Variants in STPG2 observed in about 807,000 individuals in gnomAD.
STPG2 encodes the protein sperm tail PG-rich repeat containing 2.
STPG2 carries 56 observed loss-of-function variants against 54.2 expected under a neutral mutation model. The observed-to-expected ratio is 1.03, with a 90% confidence interval of 0.83 to 1.29. STPG2 has a LOEUF of 1.29. Ranked by LOEUF, STPG2 falls within the 50% of genes most tolerant of loss-of-function variation. The pLI, the probability that STPG2 is intolerant of heterozygous loss-of-function variation, is 0.00. For missense variants in STPG2, 596 were observed against 544.9 expected (o/e 1.09, Z -0.93); for synonymous variants, 200 against 181.8 (o/e 1.10, Z -0.81).
Position 98,008,625 on chromosome 4 carries a change from TATAAC to T in STPG2, c.613-27312_613-27308del, listed in dbSNP as rs139986568. ...AAGGAGAAAGATAAAGAAATAAAATTATAACATGACAGAACTCCTCCAAACCACAA... is the reference window on the plus strand; with the variant it reads ...AAGGAGAAAGATAAAGAAATAAAATTATGACAGAACTCCTCCAAACCACAA... On this transcript the variant is annotated intron_variant, in intron 5 of 10. Transcript: ENST00000295268. 5.2e-3 allele frequency among the ~76,000 whole-genome samples: 778 copies of T among 150,838 alleles called. 10 individuals are homozygous for T. Among genetic ancestry groups the T allele is most frequent in the African/African-American group, 0.018 (745 of 41,104 alleles).
chr4:97,986,787 C>T (rs941804212), intron 5 of STPG2, among the ~76,000 whole-genome samples: 4 of 152,178 alleles, frequency 2.6e-5, no homozygotes, highest in South Asian at 2.1e-4. Flanking sequence ...GCTTAAATAT[C>T]ACTTTTCTTC....
intron 10 of STPG2, among the ~76,000 whole-genome samples, chr4:97,692,283 G>C (rs1255145981): frequency 1.2e-5 from 1 of 85,584 alleles, no homozygotes; most frequent in Non-Finnish European, 2.4e-5. Flanking sequence ...AAATCAAAAA[G>C]ATGATACAGG....
chr4:97,873,911 G>C (rs1253694968), intron 8 of STPG2, among the ~76,000 whole-genome samples: 1 of 151,168 alleles, frequency 6.6e-6, no homozygotes, highest in African/African-American at 2.4e-5. Context: ...TTTTTTGAAA[G>C]TTTCTATTAC....
intron 5 of STPG2, among the ~76,000 whole-genome samples, chr4:98,058,218 C>T (rs556561837): frequency 1.5e-3 from 232 of 152,154 alleles, no homozygotes; most frequent in Non-Finnish European, 2.4e-3. Flanking sequence ...ATAAACTAAC[C>T]TTGAATATAA....
intron 10 of STPG2, among the ~76,000 whole-genome samples, chr4:97,629,074 A>C (rs1401815570): frequency 6.6e-6 from 1 of 151,992 alleles, no homozygotes; most frequent in African/African-American, 2.4e-5. Flanking sequence ...ACTTTAATTC[A>C]GTAGGTTAAC....
At chr4:98,116,705 C>G (rs774113126) in intron 3 of STPG2, among the ~76,000 whole-genome samples, 2 of 151,706 alleles carry the variant, frequency 1.3e-5, no homozygotes, top group African/African-American at 2.4e-5. Flanking sequence ...ACAGTCAAGG[C>G]CTAGAAGACC....
At chr4:97,497,037 G>GA (rs1578343650) in intron 4 of STPG2, among the ~76,000 whole-genome samples, 1 of 147,936 alleles carries the variant, frequency 6.8e-6, no homozygotes, top group Admixed American at 6.8e-5. Flanking sequence ...TTTTACACAG[G>GA]AAAAAAGAAG....
In STPG2 at chr4:97,987,516, T is replaced by C. The variant is rs1303953351; in HGVS notation, c.613-6198A>G. Among the ~76,000 whole-genome samples, 4 of 152,228 alleles carry C rather than the reference T, an allele frequency of 2.6e-5. No individual in the cohort carries two copies. The East Asian group carries it at 7.7e-4, about 29-fold the overall frequency. On this transcript the variant is annotated intron_variant, in intron 5 of 10. Coordinates refer to ENST00000295268, the MANE Select transcript of STPG2 (RefSeq NM_174952.3). ...AGAATTAATTCAGTAAGTTCTGAGG[T>C]TGAGTTTTTTATATTCTTAGTCATA...
intron 2 of STPG2, among the ~76,000 whole-genome samples, chr4:98,131,686 G>C (rs1447499776): frequency 1.3e-5 from 2 of 152,088 alleles, no homozygotes; most frequent in African/African-American, 4.8e-5. Context: ...GGTAGCCTTT[G>C]ATGTAAAAAT....
intron 4 of STPG2, among the ~76,000 whole-genome samples, chr4:97,490,970 G>A (rs767147574): frequency 7.9e-5 from 12 of 151,470 alleles, no homozygotes; most frequent in Non-Finnish European, 1.5e-4. Flanking sequence ...CTCAGCAAAT[G>A]CATTATTTTA....
intron 1 of STPG2, among the ~76,000 whole-genome samples, chr4:98,135,566 G>A (rs1307285199): frequency 6.6e-6 from 1 of 151,760 alleles, no homozygotes; most frequent in Non-Finnish European, 1.5e-5. Context: ...CATCCACATT[G>A]AGATGATCAG....
intron 9 of STPG2, among the ~76,000 whole-genome samples, chr4:97,807,058 T>C (rs1333364019): frequency 6.6e-6 from 1 of 151,924 alleles, no homozygotes; most frequent in Admixed American, 6.6e-5. Flanking sequence ...ACATATTCCA[T>C]TATTATTAGT....
Position 98,112,174 on chromosome 4 carries a change from T to TGCATATATGACAATGGACC in STPG2, c.388-2888_388-2870dup, listed in dbSNP as rs544278795. ...ACATAATGATGTTTCAATGATGGAC[T>TGCATATATGACAATGGACC]GCATATATGACAATGGACCAGATAT... On this transcript the variant is annotated intron_variant, in intron 3 of 10. Transcript: ENST00000295268. Among the ~76,000 whole-genome samples the TGCATATATGACAATGGACC allele has an allele frequency of 9.3e-4, 141 of 152,246 alleles. 2 individuals are homozygous for TGCATATATGACAATGGACC. The highest frequency in any genetic ancestry group is 1.3e-4 in the Non-Finnish European group (9 of 68,002).
intron 4 of STPG2, among the ~76,000 whole-genome samples, chr4:97,537,511 T>C (rs868449688): frequency 6.6e-6 from 1 of 152,128 alleles, no homozygotes; most frequent in South Asian, 2.1e-4. Flanking sequence ...GTGTCCACCA[T>C]TTCTGAGGCT....
At chr4:98,056,665 A>G (rs930528163) in intron 5 of STPG2, among the ~76,000 whole-genome samples, 5 of 151,936 alleles carry the variant, frequency 3.3e-5, no homozygotes, top group Admixed American at 1.3e-4. Context: ...AGCAACTGAT[A>G]TAGTTTGGCT....
intron 8 of STPG2, among the ~76,000 whole-genome samples, chr4:97,866,970 G>A (rs1174367596): frequency 6.6e-6 from 1 of 151,894 alleles, no homozygotes; most frequent in East Asian, 1.9e-4. Flanking sequence ...CTGGGGGCCA[G>A]CAGCTATACT....
chr4:97,512,016 G>C (rs1302324223), intron 4 of STPG2, among the ~76,000 whole-genome samples: 1 of 151,994 alleles, frequency 6.6e-6, no homozygotes, highest in Non-Finnish European at 1.5e-5. Context: ...ATGCTTTGCT[G>C]TTTTTTCAAC....
At chr4:97,858,272 G>T (rs1198373944) in intron 8 of STPG2, among the ~76,000 whole-genome samples, 1 of 151,702 alleles carries the variant, frequency 6.6e-6, no homozygotes, top group African/African-American at 2.4e-5. Context: ...AAATGTCAAG[G>T]ATCAAGAAAG....
chr4:97,700,779 GCC>G (rs2148997024), intron 10 of STPG2, among the ~76,000 whole-genome samples: 1 of 152,326 alleles, frequency 6.6e-6, no homozygotes, highest in East Asian at 1.9e-4. Flanking sequence ...TGCTGGCCTT[GCC>G]AGCTGAAGGC....
Sources: allele counts gnomAD v4.1 joint callset (sites outside exome capture counted in the v4.1 genomes callset), GRCh38; gene constraint gnomAD v4.1.1; transcripts MANE v1.5; gene names NCBI Gene and HGNC (gene_info 2026-07-23, HGNC 2026-07-21).